Variants in ITGA3 observed in about 807,000 individuals in gnomAD.
The protein encoded by ITGA3 is integrin alpha-3.
A neutral mutation model predicts 131.1 loss-of-function variants in ITGA3; 70 were observed. The ratio of observed to expected loss-of-function variants is 0.53; its 90% CI spans 0.44 to 0.65. The LOEUF (loss-of-function observed/expected upper bound fraction) is 0.65, where lower values mean the gene tolerates loss of function less well. Among genes scored for constraint, ITGA3 ranks in the 30% least tolerant of loss-of-function variants. The probability of loss-of-function intolerance (pLI) is 0.00; values close to 1 mark genes in which losing one functional copy is unlikely to be tolerated. For missense variants in ITGA3, 1,098 were observed against 1,388.6 expected (o/e 0.79, Z 3.33); for synonymous variants, 537 against 571.6 (o/e 0.94, Z 0.86).
intron 20 of ITGA3, 81 bp from the exon 21 acceptor site, chr17:50,079,354 C>G: frequency 6.4e-7 from 1 of 1,552,254 alleles, no homozygotes; most frequent in Non-Finnish European, 8.7e-7. Context: ...GGCAAGCTGT[C>G]TCTCCTACCC....
Position 50,078,061 on chromosome 17 carries a change from G to A in ITGA3, c.2155G>A (p.Ala719Thr), listed in dbSNP as rs2230392. 0.1 allele frequency: 165,755 copies of A among 1,610,498 alleles called. 11,729 individuals are homozygous for A. The highest frequency in any genetic ancestry group is 0.32 in the East Asian group (14,233 of 44,730). Residue 719 changes from alanine (A) to threonine (T), a missense_variant, in exon 17 of 26, where the codon GCC (alanine) becomes ACC (threonine). Around this residue, in one of 3 missense-constraint regions of ITGA3, gnomAD observed 699 missense variants for 829.2 expected, o/e 0.84. Transcript: ENST00000320031. The stretch of plus-strand genomic sequence containing the variant: ...CTTGTGGCAGATGGAGCTGCTCATC[G>A]CCTTTGAGGTCATCGGGGTGACCCT... ...KRNQRMELLI[A>T]FEVIGVTLHT...
rs116146771 is a variant in ITGA3, at chr17:50,064,059, C to T, written c.207-18C>T. ...TTGGGGAGTCTGAACCCGGACCCACCTCCGTCCCTATCCCCAGGCTCCTGG... is the reference window on the plus strand; with the variant it reads ...TTGGGGAGTCTGAACCCGGACCCACTTCCGTCCCTATCCCCAGGCTCCTGG... On this transcript the variant is annotated intron_variant, in intron 1 of 25. Transcript: ENST00000320031. The surrounding 1 kb of genome is among the most constrained non-coding windows in gnomAD (Gnocchi z 4.4). 781 of 1,611,792 alleles carry T rather than the reference C, an allele frequency of 4.8e-4. 4 individuals are homozygous for T. In the African/African-American group the frequency reaches 9.6e-3, roughly 20 times the overall value.
Position 50,076,956 on chromosome 17 carries a change from CT to C in ITGA3, c.1923-17del. 5.0e-6 allele frequency: 8 copies of C among 1,597,462 alleles called. No homozygotes were observed. Among genetic ancestry groups the C allele is most frequent in the Non-Finnish European group, 6.8e-6 (8 of 1,169,160 alleles). On this transcript the variant is annotated splice_polypyrimidine_tract_variant and intron_variant, in intron 14 of 25. Transcript: ENST00000320031. ...TGGGGGCGGGGCTCTTGGCTGAGTC[CT>C]GGGCTCCTGCTCTCAGGCTCCAGTA...
Position 50,056,640 on chromosome 17 carries a change from C to T in ITGA3, c.201C>T (p.Arg67=). The T allele has an allele frequency of 6.3e-7, 1 of 1,599,342 alleles. No homozygotes were observed. Among genetic ancestry groups the T allele is most frequent in the African/African-American group, 1.3e-5 (1 of 74,532 alleles). Residue 67 remains arginine, a synonymous_variant, in exon 1 of 26, where the codon CGC becomes CGT. Coordinates refer to ENST00000320031, the MANE Select transcript of ITGA3 (RefSeq NM_002204.4). This position sits in a 1 kb window ranked among gnomAD's most constrained non-coding sequence, Gnocchi z 5.6. ...ALHRQTERQQ[R]YLLLAGAPRE... Reference sequence around the variant, plus strand: ...ATCGGCAGACAGAGCGGCAGCAGCGCTACCTGTAAGTGAAGCTGGAGGGTG... The same window carrying T: ...ATCGGCAGACAGAGCGGCAGCAGCGTTACCTGTAAGTGAAGCTGGAGGGTG...
At position 50,079,229 on chromosome 17, in the gene ITGA3, C is replaced by T. The variant is rs1324703259; in HGVS notation, c.2554C>T (p.Leu852Phe). ...CTGGCCCTGCCGACCACCTGGAGAC[C>T]TTATCAACCCTCTCAACCTCACTCT... ...GSWPCRPPGD[L>F]INPLNLTLSD... Residue 852 changes from leucine (L) to phenylalanine (F), a missense_variant, in exon 20 of 26, where the codon CTT becomes TTT. Transcript: ENST00000320031. The T allele has an allele frequency of 6.2e-7, 1 of 1,614,048 alleles. No individual in the cohort carries two copies. The highest frequency in any genetic ancestry group is 2.2e-5 in the East Asian group (1 of 44,868).
At chr17:50,081,190 T>C in intron 22 of ITGA3, 120 bp from the exon 23 acceptor site, 1 of 627,746 alleles carries the variant, frequency 1.6e-6, no homozygotes, top group East Asian at 2.8e-5. Flanking sequence ...ACAGATCCTT[T>C]GGGGTGCTGT....
chr17:50,089,409 C>T lies in ITGA3; in HGVS notation c.*331C>T. The T allele has an allele frequency of 1.5e-6, 1 of 659,494 alleles. No homozygotes were observed. 40.9% of individuals were successfully genotyped at this position (659,494 alleles called of 1,614,324 possible). On this transcript the variant is annotated 3_prime_UTR_variant, in exon 26 of 26. Coordinates refer to ENST00000320031, the MANE Select transcript of ITGA3 (RefSeq NM_002204.4). ...GCACATACACCTCGTCAAGAGCATG[C>T]ACATGCTGTCTGGCCCTGGGGATCT...
chr17:50,090,234 T>C lies in ITGA3; in HGVS notation c.*1156T>C, dbSNP rs1040999155. 2 of 456,318 alleles carry C rather than the reference T, an allele frequency of 4.4e-6. No homozygotes were observed. Among genetic ancestry groups the C allele is most frequent in the African/African-American group, 4.0e-5 (2 of 50,034 alleles). 28.3% of individuals were successfully genotyped at this position (456,318 alleles called of 1,614,324 possible). On this transcript the variant is annotated 3_prime_UTR_variant, in exon 26 of 26. Coordinates refer to ENST00000320031, the MANE Select transcript of ITGA3 (RefSeq NM_002204.4). The stretch of plus-strand genomic sequence containing the variant: ...TGCGTCAGGGGCCTAGAGGTGGAGT[T>C]CTTAGCTATCCTTGGCTTTCAGAGC...
intron 3 of ITGA3, 59 bp from the exon 4 acceptor site, chr17:50,067,997 G>T: frequency 6.2e-7 from 1 of 1,602,964 alleles, no homozygotes; most frequent in African/African-American, 1.3e-5. Context: ...GGGTAAAAGA[G>T]ACAGCTGACC....
intron 22 of ITGA3, chr17:50,081,104 C>T (rs1288114399): frequency 3.6e-6 from 2 of 550,198 alleles, no homozygotes; most frequent in African/African-American, 3.8e-5. Flanking sequence ...CAGCATCCAG[C>T]ACAGGACCTG....
Position 50,079,125 on chromosome 17 carries a change from G to T in ITGA3, c.2450G>T (p.Gly817Val). The T allele has an allele frequency of 1.9e-6, 3 of 1,613,942 alleles. No homozygotes were observed. In the South Asian group the frequency reaches 3.3e-5, roughly 18 times the overall value. The change falls in exon 20 of 26, where the codon GGT (glycine) becomes GTT (valine). Residue 817 changes from glycine to valine, a missense_variant. Physicochemically the swap from Gly to Val is moderately radical, Grantham distance 109 (BLOSUM62 -3). Transcript: ENST00000320031. ...GLVGLGTLVL[G>V]LEWPYEVSNG... ...GTGGGCCTGGGGACCCTGGTCCTAG[G>T]TCTGGAGTGGCCCTACGAAGTCAGC...
chr17:50,081,577 C>T (rs138729544), intron 23 of ITGA3, among the ~76,000 whole-genome samples, 169 bp downstream of exon 23: 1 of 152,168 alleles, frequency 6.6e-6, no homozygotes, highest in African/African-American at 2.4e-5. Flanking sequence ...GAGCAATTAA[C>T]CCCGGGTCCC....
chr17:50,078,165 G>A lies in ITGA3; in HGVS notation c.2219+40G>A, dbSNP rs780971592. 9.3e-6 allele frequency: 15 copies of A among 1,612,942 alleles called. No individual in the cohort carries two copies. In the East Asian group the frequency reaches 3.3e-4, roughly 36 times the overall value. The stretch of plus-strand genomic sequence containing the variant: ...AAAGCCAGTCTGGGTCAGGGCTGAG[G>A]TATCTTGGATCACCTTCCTAACCCC... On this transcript the variant is annotated intron_variant, in intron 17 of 25. Transcript: ENST00000320031.
chr17:50,080,249 C>G lies in ITGA3; in HGVS notation c.2707-13C>G. On this transcript the variant is annotated splice_polypyrimidine_tract_variant and intron_variant, in intron 21 of 25. Coordinates refer to ENST00000320031, the MANE Select transcript of ITGA3 (RefSeq NM_002204.4). ...CAGACTATGTCACGTCTTGCGTTCC[C>G]TGCCCGCCTCAGACCTGTGCCACAG... 1 of 1,532,830 alleles carries G rather than the reference C, an allele frequency of 6.5e-7. No homozygotes were observed. Among genetic ancestry groups the G allele is most frequent in the Non-Finnish European group, 9.0e-7 (1 of 1,111,738 alleles). 95.0% of individuals were successfully genotyped at this position (1,532,830 alleles called of 1,614,324 possible).
In ITGA3 at chr17:50,077,130, C is replaced by A; in HGVS notation, c.2070+9C>A. 1 of 1,533,202 alleles carries A rather than the reference C, an allele frequency of 6.5e-7. No individual in the cohort carries two copies. Among genetic ancestry groups the A allele is most frequent in the South Asian group, 1.2e-5 (1 of 83,430 alleles). 95.0% of individuals were successfully genotyped at this position (1,533,202 alleles called of 1,614,324 possible). On this transcript the variant is annotated intron_variant, in intron 15 of 25. Transcript: ENST00000320031. ...TGTCCTCAGTGCGCCCCGTGAGTGCCCGCCGGCCGGCTCAGAGCCCAAGCA... is the reference window on the plus strand; with the variant it reads ...TGTCCTCAGTGCGCCCCGTGAGTGCACGCCGGCCGGCTCAGAGCCCAAGCA...
In ITGA3 at chr17:50,076,488, G is replaced by A. The variant is rs780874938; in HGVS notation, c.1824+13G>A. On this transcript the variant is annotated intron_variant, in intron 13 of 25. Transcript: ENST00000320031. The stretch of plus-strand genomic sequence containing the variant: ...GAACCACACTGAGGTGAGTGGGGCT[G>A]GCGCCTGGACTGGAAGACCAGGGGC... 6 of 1,607,810 alleles carry A rather than the reference G, an allele frequency of 3.7e-6. No individual in the cohort carries two copies. Among genetic ancestry groups the A allele is most frequent in the Middle Eastern group, 1.6e-4 (1 of 6,082 alleles).
intron 1 of ITGA3, among the ~76,000 whole-genome samples, chr17:50,061,467 C>A (rs1908073050): frequency 6.6e-6 from 1 of 151,970 alleles, no homozygotes; most frequent in Admixed American, 6.6e-5. Flanking sequence ...AACAAGGGGG[C>A]AACACTTCCA....
chr17:50,086,601 A>C (rs1909445888), intron 23 of ITGA3: 1 of 144,200 alleles, frequency 6.9e-6, no homozygotes, highest in Non-Finnish European at 1.5e-5. Context: ...CAGCAGGAGA[A>C]TTGCTTGAAC....
rs1360260054 is a variant in ITGA3 at position 50,056,967 on chromosome 17, C to T, written c.206+322C>T. Among the ~76,000 whole-genome samples, 1 of 152,178 alleles carries T rather than the reference C, an allele frequency of 6.6e-6. No homozygotes were observed. Among genetic ancestry groups the T allele is most frequent in the Non-Finnish European group, 1.5e-5 (1 of 68,028 alleles). On this transcript the variant is annotated intron_variant, in intron 1 of 25. Transcript: ENST00000320031. The surrounding 1 kb of genome is among the most constrained non-coding windows in gnomAD (Gnocchi z 5.6). ...CGAGTACCCAGCACTAGCCTGTTCT[C>T]TCCAGGGCTGGGAGCTGGGGTAAAC...
Sources: gnomAD v4.1 joint callset for allele counts (sites outside exome capture counted in the v4.1 genomes callset) on GRCh38, gnomAD v4.1.1 for gene constraint, gnomAD v4.1.1 regional missense constraint, Gnocchi (gnomAD v3.1) non-coding constraint, MANE v1.5 for transcripts, NCBI Gene and HGNC (gene_info 2026-07-23, HGNC 2026-07-21) for gene names.